The following MPDZ variants were observed in gnomAD, a reference collection of about 807,000 sequenced individuals.
The protein encoded by MPDZ is multiple PDZ domain protein.
A neutral mutation model predicts 239.1 loss-of-function variants in MPDZ; 234 were observed. The observed-to-expected ratio is 0.98, with a 90% CI of 0.88 to 1.09. The LOEUF is 1.09. Among genes scored for constraint, MPDZ ranks in the 50% least tolerant of loss-of-function variants. The probability of loss-of-function intolerance (pLI) is 0.00; values close to 1 mark genes in which losing one functional copy is unlikely to be tolerated. For synonymous variants in MPDZ, 1,048 were observed against 881.3 expected (o/e 1.19, Z -3.35); for missense variants, 3,175 against 2,510.0 (o/e 1.26, Z -5.66).
intron 44 of MPDZ, 50 bp downstream of exon 44, chr9:13,110,586 T>A: frequency 7.7e-7 from 1 of 1,290,428 alleles, no homozygotes. Flanking sequence ...AAAGCTCATG[T>A]GTCTTCAGGC....
intron 21 of MPDZ, among the ~76,000 whole-genome samples, chr9:13,172,235 G>C (rs1019010204): frequency 6.6e-5 from 10 of 152,114 alleles, no homozygotes; most frequent in Admixed American, 2.0e-4. Context: ...ACGCCAGGGA[G>C]AAAGCCCTAT....
At chr9:13,119,959 A>G (rs1373604952) in intron 38 of MPDZ, 2 of 326,022 alleles carry the variant, frequency 6.1e-6, no homozygotes, top group African/African-American at 4.4e-5. Context: ...AAGTGGCAAA[A>G]GTAAGACTTA....
intron 12 of MPDZ, among the ~76,000 whole-genome samples, chr9:13,203,728 CCACACACACACACACACACA>C (rs58472339): frequency 1.2e-3 from 175 of 140,558 alleles, no homozygotes; most frequent in African/African-American, 3.5e-3. Flanking sequence ...ATGTATCCTG[CCACACACACACACACACACA>C]CACACACACA....
At chr9:13,128,518 C>G (rs1232142854) in intron 32 of MPDZ, among the ~76,000 whole-genome samples, 1 of 152,156 alleles carries the variant, frequency 6.6e-6, no homozygotes, top group African/African-American at 2.4e-5. Flanking sequence ...CAGCAGAACC[C>G]CCAGCTAAAA....
chr9:13,233,954 T>A (rs1031241699), intron 3 of MPDZ, among the ~76,000 whole-genome samples: 1 of 152,182 alleles, frequency 6.6e-6, no homozygotes, highest in Non-Finnish European at 1.5e-5. Flanking sequence ...AAGGAGTCCT[T>A]TAACAAGTGC....
At chr9:13,217,356 C>CAAAA in intron 8 of MPDZ, 62 bp from the exon 9 acceptor site, 2 of 1,015,832 alleles carry the variant, frequency 2.0e-6, no homozygotes, top group Non-Finnish European at 2.9e-6. Flanking sequence ...AAACAAAAAA[C>CAAAA]AAACAAACAA....
chr9:13,126,835 T>A, intron 32 of MPDZ, 63 bp from the exon 33 acceptor site: 1 of 1,365,554 alleles, frequency 7.3e-7, no homozygotes, highest in South Asian at 1.2e-5. Context: ...TCCAAATGGA[T>A]ACCAAGGGTA....
At chr9:13,150,024 T>C (rs928854955) in intron 25 of MPDZ, among the ~76,000 whole-genome samples, 2 of 152,024 alleles carry the variant, frequency 1.3e-5, no homozygotes, top group Non-Finnish European at 2.9e-5. Flanking sequence ...GAAATGATAA[T>C]AAAGTACTTA....
At chr9:13,119,438 C>T (rs1195463930) in intron 39 of MPDZ, 64 bp downstream of exon 39, 5 of 1,531,490 alleles carry the variant, frequency 3.3e-6, no homozygotes, top group Admixed American at 4.0e-5. Context: ...CTATGATAGC[C>T]CAATGTTAAA....
intron 3 of MPDZ, among the ~76,000 whole-genome samples, chr9:13,239,741 A>C (rs926532757): frequency 1.9e-4 from 29 of 152,276 alleles, no homozygotes; most frequent in African/African-American, 7.0e-4. Flanking sequence ...TGAATATGGC[A>C]TGGACTTTAT....
rs116811916 is a variant in MPDZ, at chr9:13,244,649, T to C, written c.183+2986A>G. Among the ~76,000 whole-genome samples, 780 of 152,266 alleles carry C rather than the reference T, an allele frequency of 5.1e-3. 11 individuals are homozygous for C. Among genetic ancestry groups the C allele is most frequent in the African/African-American group, 0.017 (726 of 41,564 alleles). ...CCTTCAGGGCATGGCTTTTTTGCCC[T>C]CTCAGTTACACACCTGTCAAGTGTT... On this transcript the variant is annotated intron_variant, in intron 3 of 46. Transcript: ENST00000319217.
intron 27 of MPDZ, among the ~76,000 whole-genome samples, chr9:13,141,468 C>T (rs959983672): frequency 3.3e-5 from 5 of 152,108 alleles, no homozygotes; most frequent in African/African-American, 9.7e-5. Context: ...GTTCTAACCT[C>T]GGTATGAAGT....
intron 26 of MPDZ, among the ~76,000 whole-genome samples, chr9:13,145,416 T>A (rs187368750): frequency 1.2e-4 from 18 of 152,100 alleles, no homozygotes; most frequent in African/African-American, 4.3e-4. Flanking sequence ...AATTTCTGAT[T>A]CTTGAAGAGC....
Position 13,122,169 on chromosome 9 carries a change from C to A in MPDZ, c.4955G>T (p.Gly1652Val), listed in dbSNP as rs1215992705. The part of the protein sequence containing the change: ...SIVGGSDTLL[G>V]AIIIHEVYEE... ...ATAAACTTCATGGATAATAATGGCA[C>A]CCTAAGGGCCCAAACAAAACATACC... The change falls in exon 37 of 47, where the codon GGT (glycine) becomes GTT (valine). Residue 1652 changes from glycine to valine, a missense_variant and splice_region_variant. Coordinates refer to ENST00000319217, the MANE Select transcript of MPDZ (RefSeq NM_001378778.1). 9 of 1,613,646 alleles carry A rather than the reference C, an allele frequency of 5.6e-6. No individual in the cohort carries two copies. Among genetic ancestry groups the A allele is most frequent in the Non-Finnish European group, 5.9e-6 (7 of 1,179,808 alleles).
At chr9:13,158,234 A>G (rs376189700) in intron 23 of MPDZ, 124 bp from the exon 24 acceptor site, 36 of 676,588 alleles carry the variant, frequency 5.3e-5, no homozygotes, top group Admixed American at 2.3e-4. Flanking sequence ...ATACATGGCC[A>G]TAAGTATAAA....
intron 1 of MPDZ, among the ~76,000 whole-genome samples, chr9:13,266,611 C>T (rs1265338591): frequency 6.6e-6 from 1 of 152,142 alleles, no homozygotes; most frequent in East Asian, 1.9e-4. Context: ...TCTTTCCAAA[C>T]ACATAACTTG....
Position 13,190,310 on chromosome 9 carries a change from T to C in MPDZ, c.1969-11A>G, listed in dbSNP as rs199522482. 174 of 1,517,580 alleles carry C rather than the reference T, an allele frequency of 1.1e-4. No individual in the cohort carries two copies. The highest frequency in any genetic ancestry group is 1.3e-4 in the Non-Finnish European group (152 of 1,134,216). The allele number at this position is 1,517,580 out of a possible 1,614,324, so 94.0% of individuals were successfully genotyped here. On this transcript the variant is annotated splice_polypyrimidine_tract_variant and intron_variant, in intron 15 of 46. Transcript: ENST00000319217. ...TAGATCTACGTGAGGCTGGATAATA[T>C]CAGACAGCTCTTATTTCAGAGGCAT... is the stretch of plus-strand genomic sequence containing the variant.
chr9:13,177,096 A>T (rs1952600913), intron 19 of MPDZ, among the ~76,000 whole-genome samples: 1 of 152,136 alleles, frequency 6.6e-6, no homozygotes, highest in South Asian at 2.1e-4. Flanking sequence ...AATTTCTACA[A>T]TCCTCTGAAA....
At chr9:13,125,531 C>T (rs1563851716) in intron 34 of MPDZ, 141 bp from the exon 35 acceptor site, 7 of 742,452 alleles carry the variant, frequency 9.4e-6, no homozygotes, top group South Asian at 2.5e-5. Context: ...TTTGTCAGGA[C>T]TTGGGTAAAG....
Sources: gnomAD v4.1 joint callset for allele counts (sites outside exome capture counted in the v4.1 genomes callset) on GRCh38, gnomAD v4.1.1 for gene constraint, MANE v1.5 for transcripts, NCBI Gene and HGNC (gene_info 2026-07-23, HGNC 2026-07-21) for gene names.